TENM1: variants seen among roughly 807,000 people sequenced by gnomAD.
TENM1 encodes teneurin transmembrane protein 1, also known as teneurin-1.
In TENM1, 35 loss-of-function variants were observed where a neutral mutation model predicts 174.8. The observed-to-expected ratio is 0.20, with a 90% confidence interval of 0.15 to 0.27. TENM1 has a LOEUF of 0.27. TENM1 is among the 10% of genes least tolerant of loss of function. The pLI, the probability that TENM1 is intolerant of heterozygous loss-of-function variation, is 1.00. For missense variants in TENM1, 1,633 were observed against 2,130.1 expected (o/e 0.77, Z 4.59); for synonymous variants, 781 against 798.7 (o/e 0.98, Z 0.37).
intron 3 of TENM1, among the ~76,000 whole-genome samples, chrX:124,773,766 G>A (rs1335669055): frequency 9.0e-6 from 1 of 111,611 alleles, no homozygotes; most frequent in Non-Finnish European, 1.9e-5. Context: ...AAAGAAATCT[G>A]CCCACTCACA....
chrX:124,611,614 T>C (rs747518010), intron 11 of TENM1, among the ~76,000 whole-genome samples: 23 of 111,422 alleles, frequency 2.1e-4, no homozygotes, highest in South Asian at 3.8e-4. Context: ...ATCTTTATAG[T>C]AAAGATAAGA....
At chrX:124,900,187 T>C (rs916081812) in intron 1 of TENM1, among the ~76,000 whole-genome samples, 1 of 112,440 alleles carries the variant, frequency 8.9e-6, no homozygotes, top group Non-Finnish European at 1.9e-5. Flanking sequence ...GTGGTATATT[T>C]ACATAATGGA....
At chrX:124,972,631 T>C in the TENM1 span, among the ~76,000 whole-genome samples, 1 of 112,300 alleles carries the variant, frequency 8.9e-6, no homozygotes, top group Admixed American at 9.5e-5. Flanking sequence ...GATTTTATCA[T>C]GGAATTGGTC....
At chrX:124,484,521 T>C (rs1458741380) in intron 21 of TENM1, among the ~76,000 whole-genome samples, 1 of 112,186 alleles carries the variant, frequency 8.9e-6, no homozygotes, top group Non-Finnish European at 1.9e-5. Context: ...CATTTATTTA[T>C]ATCAGTATGG....
chrX:125,138,535 T>C, the TENM1 span, among the ~76,000 whole-genome samples: 3 of 111,818 alleles, frequency 2.7e-5, no homozygotes, highest in South Asian at 3.8e-4. Flanking sequence ...TGCCACAATA[T>C]GGTTGATGGA....
chrX:124,543,001 A>G (rs889748905), intron 15 of TENM1, among the ~76,000 whole-genome samples: 3 of 112,484 alleles, frequency 2.7e-5, no homozygotes, highest in African/African-American at 6.5e-5. Context: ...ACAAACACTT[A>G]AGATCTTTCC....
At chrX:124,394,467 T>G (rs905552436) in intron 27 of TENM1, among the ~76,000 whole-genome samples, 1 of 112,194 alleles carries the variant, frequency 8.9e-6, no homozygotes, top group African/African-American at 3.2e-5. Flanking sequence ...AGTTTTGATC[T>G]TAGAGGTCTG....
At chrX:124,660,449 A>T (rs2148412365) in intron 6 of TENM1, among the ~76,000 whole-genome samples, 1 of 111,655 alleles carries the variant, frequency 9.0e-6, no homozygotes, top group East Asian at 2.8e-4. Flanking sequence ...AGCCCACAGA[A>T]TGGGAGAAAA....
intron 25 of TENM1, among the ~76,000 whole-genome samples, chrX:124,415,144 C>T (rs2060579901): frequency 8.9e-6 from 1 of 111,786 alleles, no homozygotes; most frequent in Non-Finnish European, 1.9e-5. Context: ...AGCCAAAGGA[C>T]TAGAGGACAA....
the TENM1 span, among the ~76,000 whole-genome samples, chrX:125,081,980 G>T: frequency 0.13 from 14,602 of 109,414 alleles, 821 homozygotes; most frequent in Admixed American, 0.28. Flanking sequence ...AAACACTGGG[G>T]ACTCCAAAAG....
the TENM1 span, among the ~76,000 whole-genome samples, chrX:125,015,139 C>T: frequency 2.7e-4 from 30 of 111,623 alleles, no homozygotes; most frequent in South Asian, 7.5e-4. Context: ...CAATGAAGAG[C>T]AGGCTGTCAG....
At chrX:124,773,432 A>G (rs1419890101) in intron 3 of TENM1, among the ~76,000 whole-genome samples, 2 of 110,784 alleles carry the variant, frequency 1.8e-5, no homozygotes, top group Non-Finnish European at 3.8e-5. Flanking sequence ...ACAAAAAAAA[A>G]AAAAACATGT....
intron 3 of TENM1, among the ~76,000 whole-genome samples, chrX:124,820,895 C>T: frequency 8.9e-6 from 1 of 112,180 alleles, no homozygotes; most frequent in Non-Finnish European, 1.9e-5. Context: ...GTATTGCTTC[C>T]CCTTTTGTTA....
chrX:125,000,262 A>C, the TENM1 span, among the ~76,000 whole-genome samples: 1 of 111,745 alleles, frequency 8.9e-6, no homozygotes, highest in Admixed American at 9.5e-5. Flanking sequence ...AAGCTACAAA[A>C]AGTATGCTTG....
intron 20 of TENM1, among the ~76,000 whole-genome samples, chrX:124,490,140 C>T (rs1037453567): frequency 1.8e-5 from 2 of 111,726 alleles, no homozygotes; most frequent in African/African-American, 6.5e-5. Flanking sequence ...TTCATGTTTT[C>T]GGAAATCTTA....
chrX:125,183,530 G>C, the TENM1 span, among the ~76,000 whole-genome samples: 1 of 111,964 alleles, frequency 8.9e-6, no homozygotes, highest in African/African-American at 3.2e-5. Flanking sequence ...ATGGTTTCAA[G>C]GTACAGAGAG....
At chrX:124,529,443 T>A (rs2048057419) in intron 16 of TENM1, among the ~76,000 whole-genome samples, 1 of 111,699 alleles carries the variant, frequency 9.0e-6, no homozygotes, top group Non-Finnish European at 1.9e-5. Context: ...GAGGACACAT[T>A]TTTAAAGCTT....
chrX:125,110,892 GA>G, the TENM1 span, among the ~76,000 whole-genome samples: 1 of 111,764 alleles, frequency 8.9e-6, no homozygotes, highest in South Asian at 3.8e-4. Flanking sequence ...TTTAAGTTTA[GA>G]AAGTAGTGGC....
chrX:124,457,771 T>C (rs748945970), intron 22 of TENM1, among the ~76,000 whole-genome samples: 75 of 112,052 alleles, frequency 6.7e-4, no homozygotes, highest in Non-Finnish European at 1.2e-3. Context: ...TTTGGCTGTG[T>C]AGAATGCCAA....
Sources: allele counts gnomAD v4.1 joint callset (sites outside exome capture counted in the v4.1 genomes callset), GRCh38; gene constraint gnomAD v4.1.1; transcripts MANE v1.5; gene names NCBI Gene and HGNC (gene_info 2026-07-23, HGNC 2026-07-21).